NDFIP2: variants seen among roughly 807,000 people sequenced by gnomAD.
The protein encoded by NDFIP2 is NEDD4 family-interacting protein 2.
In NDFIP2, 19 loss-of-function variants were observed where a neutral mutation model predicts 36.0. That is an observed-to-expected ratio of 0.53 (90% CI 0.37 to 0.77). The LOEUF is 0.77. Among genes scored for constraint, NDFIP2 ranks in the 30% least tolerant of loss-of-function variants. The pLI is 0.00. For missense variants in NDFIP2, 446 were observed against 435.8 expected, an observed-to-expected ratio of 1.02 and a Z score of -0.21; for synonymous variants, 181 against 167.7, an observed-to-expected ratio of 1.08 and a Z score of -0.61.
rs1165354992 is a variant in NDFIP2 at position 79,507,570 on chromosome 13, G to A, written c.322-13240G>A. Reference sequence around the variant, plus strand: ...ATTACAGGCGTGAGCCACCGCGCCCGGCCTCTGATTGAGTTTTTAGTTGTC... The same window carrying A: ...ATTACAGGCGTGAGCCACCGCGCCCAGCCTCTGATTGAGTTTTTAGTTGTC... On this transcript the variant is annotated intron_variant, in intron 1 of 7. Transcript: ENST00000218652. Among the ~76,000 whole-genome samples, 78 of 17,978 alleles carry A rather than the reference G, an allele frequency of 4.3e-3. 30 individuals are homozygous for A. The Admixed American group carries it at 0.05, about 12-fold the overall frequency. 11.8% of individuals were successfully genotyped at this position (17,978 alleles called of 152,430 possible). A position where few individuals can be genotyped will look rare whatever the true frequency, so the allele number is the denominator to read the frequency against.
intron 1 of NDFIP2, among the ~76,000 whole-genome samples, chr13:79,504,617 T>G (rs1356326152): frequency 7.2e-6 from 1 of 139,154 alleles, no homozygotes; most frequent in African/African-American, 2.8e-5. Context: ...TCTCTTTACC[T>G]GGAACAGTTC....
chr13:79,526,701 A>T (rs1047687704), intron 2 of NDFIP2, among the ~76,000 whole-genome samples: 5 of 152,236 alleles, frequency 3.3e-5, no homozygotes, highest in Non-Finnish European at 7.4e-5. Context: ...TGAAAAGAAT[A>T]TTCTAGAAGC....
At chr13:79,513,182 T>A (rs1051743373) in intron 1 of NDFIP2, among the ~76,000 whole-genome samples, 4 of 152,180 alleles carry the variant, frequency 2.6e-5, no homozygotes, top group Non-Finnish European at 4.4e-5. Context: ...CTGATTAATG[T>A]AGTTGGGGTT....
At chr13:79,497,494 C>G (rs1253306802) in intron 1 of NDFIP2, among the ~76,000 whole-genome samples, 1 of 151,826 alleles carries the variant, frequency 6.6e-6, no homozygotes, top group Admixed American at 6.6e-5. Flanking sequence ...TGCTACATCC[C>G]TGCCTGTCTT....
At chr13:79,506,998 C>T (rs1477424471) in intron 1 of NDFIP2, among the ~76,000 whole-genome samples, 3 of 152,086 alleles carry the variant, frequency 2.0e-5, no homozygotes, top group African/African-American at 7.2e-5. Flanking sequence ...TTTTTTAAAA[C>T]TGCATGTTTA....
intron 1 of NDFIP2, among the ~76,000 whole-genome samples, chr13:79,494,364 TACTA>T (rs929824389): frequency 6.6e-6 from 1 of 152,108 alleles, no homozygotes; most frequent in African/African-American, 2.4e-5. Flanking sequence ...TGACTGAAAA[TACTA>T]ACTCATCACT....
chr13:79,519,928 G>A (rs1327337392), intron 1 of NDFIP2, among the ~76,000 whole-genome samples: 1 of 152,152 alleles, frequency 6.6e-6, no homozygotes, highest in African/African-American at 2.4e-5. Flanking sequence ...AGCCACCCGA[G>A]TAGCTGGGAT....
chr13:79,526,848 C>T (rs1874815428), intron 2 of NDFIP2, among the ~76,000 whole-genome samples: 1 of 152,124 alleles, frequency 6.6e-6, no homozygotes, highest in African/African-American at 2.4e-5. Context: ...GATTTTCCAG[C>T]CATCCTGAGT....
At chr13:79,494,398 G>A (rs1308835100) in intron 1 of NDFIP2, among the ~76,000 whole-genome samples, 1 of 151,938 alleles carries the variant, frequency 6.6e-6, no homozygotes, top group Non-Finnish European at 1.5e-5. Context: ...AGTATATTTT[G>A]TATAACTTTA....
rs1234533110 is a variant in NDFIP2, at chr13:79,535,118, C to T, written c.621+1662C>T. 2.0e-5 allele frequency among the ~76,000 whole-genome samples: 3 copies of T among 152,056 alleles called. No homozygotes were observed. In the East Asian group the frequency reaches 5.8e-4, roughly 29 times the overall value. On this transcript the variant is annotated intron_variant, in intron 3 of 7. Transcript: ENST00000218652. ...ATAGATCTAAATAGGGTATTTTTGT[C>T]TAAATAAGTTCTCGGTTACTTAGAA...
intron 1 of NDFIP2, among the ~76,000 whole-genome samples, chr13:79,486,284 A>G (rs1015538045): frequency 2.0e-5 from 3 of 152,198 alleles, no homozygotes. Context: ...TGCCCCCAAC[A>G]TTTAATAACA....
intron 1 of NDFIP2, among the ~76,000 whole-genome samples, chr13:79,500,736 G>T (rs1403647183): frequency 6.6e-6 from 1 of 151,978 alleles, no homozygotes; most frequent in East Asian, 1.9e-4. Flanking sequence ...ATAGCCACAT[G>T]GGAAGATAGT....
At chr13:79,524,201 A>G (rs1874700583) in intron 2 of NDFIP2, among the ~76,000 whole-genome samples, 1 of 152,096 alleles carries the variant, frequency 6.6e-6, no homozygotes, top group Non-Finnish European at 1.5e-5. Context: ...GGCCATCAGT[A>G]TGCCCTTCTA....
intron 4 of NDFIP2, among the ~76,000 whole-genome samples, 155 bp downstream of exon 4, chr13:79,539,930 T>A (rs1310533860): frequency 6.6e-6 from 1 of 152,252 alleles, no homozygotes; most frequent in African/African-American, 2.4e-5. Flanking sequence ...AATACTGTGA[T>A]CATATGTTTA....
intron 2 of NDFIP2, among the ~76,000 whole-genome samples, chr13:79,521,426 AT>A (rs1874577689): frequency 6.6e-6 from 1 of 152,176 alleles, no homozygotes; most frequent in Non-Finnish European, 1.5e-5. Context: ...TACCAGTGTG[AT>A]TTAGTATACT....
At chr13:79,548,926 G>C (rs965439729) in intron 6 of NDFIP2, among the ~76,000 whole-genome samples, 2 of 151,806 alleles carry the variant, frequency 1.3e-5, no homozygotes, top group African/African-American at 4.8e-5. Flanking sequence ...GGAATTTTAT[G>C]GATTTTCAAT....
intron 1 of NDFIP2, among the ~76,000 whole-genome samples, chr13:79,491,747 A>G (rs1432299192): frequency 5.3e-5 from 8 of 152,204 alleles, no homozygotes; most frequent in Admixed American, 6.5e-5. Context: ...CGTTTAGTCA[A>G]TGTAAATTTA....
intron 1 of NDFIP2, among the ~76,000 whole-genome samples, chr13:79,490,496 A>G (rs1873183649): frequency 6.6e-6 from 1 of 152,016 alleles, no homozygotes; most frequent in East Asian, 1.9e-4. Context: ...CTTTCTGTAA[A>G]GGGCTAGATA....
intron 1 of NDFIP2, among the ~76,000 whole-genome samples, chr13:79,485,426 A>G (rs1872931032): frequency 6.6e-6 from 1 of 152,200 alleles, no homozygotes; most frequent in Admixed American, 6.5e-5. Context: ...GCCTTACTGA[A>G]TAGTACATGT....
Sources: allele counts gnomAD v4.1 joint callset (sites outside exome capture counted in the v4.1 genomes callset), GRCh38; gene constraint gnomAD v4.1.1; transcripts MANE v1.5; gene names NCBI Gene and HGNC (gene_info 2026-07-23, HGNC 2026-07-21).